The following ANKFY1 variants were observed in gnomAD, a reference collection of about 807,000 sequenced individuals.
ANKFY1 encodes the protein ankyrin repeat and FYVE domain-containing protein 1.
In ANKFY1, 47 loss-of-function variants were observed where a neutral mutation model predicts 128.3. That is an observed-to-expected ratio of 0.37 (90% CI 0.29 to 0.47). The LOEUF (loss-of-function observed/expected upper bound fraction) is 0.47. Among genes scored for constraint, ANKFY1 ranks in the 20% least tolerant of loss-of-function variants. The probability of loss-of-function intolerance (pLI) is 1.00; values close to 1 mark genes in which losing one functional copy is unlikely to be tolerated. For missense variants in ANKFY1, 1,222 were observed against 1,510.6 expected (o/e 0.81, Z 3.17); for synonymous variants, 553 against 601.6 (o/e 0.92, Z 1.18).
rs751821618 is a variant in ANKFY1 at position 4,263,766 on chromosome 17, G to A, written c.10+166C>T. Reference sequence around the variant, plus strand: ...ACGTTGTCATAGGAACCGCGCTCCGGACCCCGGCCCGAGAAGCTCCGGAGA... The same window carrying A: ...ACGTTGTCATAGGAACCGCGCTCCGAACCCCGGCCCGAGAAGCTCCGGAGA... On this transcript the variant is annotated intron_variant, in intron 1 of 24. Coordinates refer to ENST00000341657, the MANE Select transcript of ANKFY1 (RefSeq NM_001330063.2). The A allele has an allele frequency of 1.8e-5, 28 of 1,545,978 alleles. No individual in the cohort carries two copies. In the East Asian group the frequency reaches 5.7e-4, roughly 31 times the overall value.
intron 1 of ANKFY1, among the ~76,000 whole-genome samples, chr17:4,254,973 C>T (rs992730819): frequency 3.3e-5 from 5 of 152,100 alleles, no homozygotes; most frequent in African/African-American, 1.2e-4. Flanking sequence ...GGTCTTAAGC[C>T]AGAACGCATC....
In ANKFY1 at chr17:4,185,054, G is replaced by T; in HGVS notation, c.1471-8C>A. ...GTGCAACGGGGTTTCTCCCTGAATG[G>T]AAACAAATGGCCGAAATCTGAGCAC... On this transcript the variant is annotated splice_polypyrimidine_tract_variant and splice_region_variant and intron_variant, in intron 11 of 24. Transcript: ENST00000341657. 6.2e-7 allele frequency: 1 copy of T among 1,609,524 alleles called. No homozygotes were observed. The highest frequency in any genetic ancestry group is 8.5e-7 in the Non-Finnish European group (1 of 1,178,898).
At chr17:4,213,857 G>A (rs750437915) in intron 4 of ANKFY1, among the ~76,000 whole-genome samples, 4 of 152,092 alleles carry the variant, frequency 2.6e-5, no homozygotes, top group Non-Finnish European at 5.9e-5. Flanking sequence ...ACAGGTGTGA[G>A]CCATCACACC....
rs77678329 is a variant in ANKFY1 at position 4,186,163 on chromosome 17, G to A, written c.1471-1117C>T. ...TGTGGGCGTGTCCACGTGTATGTCCGTATGTAAACACACACACTGGAGTGT... is the reference window on the plus strand; with the variant it reads ...TGTGGGCGTGTCCACGTGTATGTCCATATGTAAACACACACACTGGAGTGT... On this transcript the variant is annotated intron_variant, in intron 11 of 24. Coordinates refer to ENST00000341657, the MANE Select transcript of ANKFY1 (RefSeq NM_001330063.2). Among the ~76,000 whole-genome samples the A allele has an allele frequency of 5.0e-3, 756 of 152,246 alleles. 11 individuals are homozygous for A. The highest frequency in any genetic ancestry group is 0.033 in the East Asian group (172 of 5,188).
intron 1 of ANKFY1, among the ~76,000 whole-genome samples, chr17:4,257,896 A>G (rs1419975634): frequency 2.0e-5 from 3 of 152,240 alleles, no homozygotes; most frequent in East Asian, 1.9e-4. Flanking sequence ...CTGGGGACAT[A>G]GCAATTTCTC....
In ANKFY1 at chr17:4,169,046, T is replaced by C. The variant is rs1252108277; in HGVS notation, c.3377+152A>G. The C allele has an allele frequency of 7.5e-6, 5 of 664,304 alleles. No homozygotes were observed. The highest frequency in any genetic ancestry group is 1.3e-5 in the Non-Finnish European group (5 of 378,600). 41.2% of individuals were successfully genotyped at this position (664,304 alleles called of 1,614,324 possible). On this transcript the variant is annotated intron_variant, in intron 24 of 24. Coordinates refer to ENST00000341657, the MANE Select transcript of ANKFY1 (RefSeq NM_001330063.2). The surrounding 1 kb of genome is among the most constrained non-coding windows in gnomAD (Gnocchi z 5.0). ...ACATCTCTGTTCCTCAGTAGGATCC[T>C]TGGGTGTGCTCATCTCATCCCTCCA...
chr17:4,190,049 C>A (rs562973989), intron 10 of ANKFY1, among the ~76,000 whole-genome samples: 1 of 152,268 alleles, frequency 6.6e-6, no homozygotes, highest in African/African-American at 2.4e-5. Context: ...AGTGGTGCTA[C>A]GGACATTTTG....
At chr17:4,243,062 TTTTG>T (rs951567261) in intron 1 of ANKFY1, among the ~76,000 whole-genome samples, 4 of 150,538 alleles carry the variant, frequency 2.7e-5, no homozygotes, top group African/African-American at 1.0e-4. Flanking sequence ...TTTTTTTGTT[TTTTG>T]TTTGTTTGTT....
intron 2 of ANKFY1, among the ~76,000 whole-genome samples, chr17:4,238,089 G>A (rs536965729): frequency 6.3e-4 from 95 of 149,644 alleles, no homozygotes; most frequent in African/African-American, 2.3e-3. Flanking sequence ...CACTTTGGGA[G>A]GCCAGGACTA....
chr17:4,189,455 G>C lies in ANKFY1; in HGVS notation c.1397C>G (p.Ala466Gly), dbSNP rs1170627396. 6.3e-7 allele frequency: 1 copy of C among 1,587,718 alleles called. No homozygotes were observed. Among genetic ancestry groups the C allele is most frequent in the Non-Finnish European group, 8.6e-7 (1 of 1,164,078 alleles). Reference protein sequence around the residue: ...ATGNCLLQRAAGAGNEAAALF... With the variant: ...ATGNCLLQRAGGAGNEAAALF... Reference sequence around the variant, plus strand: ...AGCTGCTGCCTCGTTTCCTGCTCCAGCTGCCCGCTGTAGTAAACAGTTTCC... The same window carrying C: ...AGCTGCTGCCTCGTTTCCTGCTCCACCTGCCCGCTGTAGTAAACAGTTTCC... The change falls in exon 11 of 25, where the codon GCT (alanine) becomes GGT (glycine). Residue 466 changes from alanine (A) to glycine (G), a missense_variant. Coordinates refer to ENST00000341657, the MANE Select transcript of ANKFY1 (RefSeq NM_001330063.2).
chr17:4,224,204 C>T (rs1464886263), intron 3 of ANKFY1, among the ~76,000 whole-genome samples: 1 of 146,546 alleles, frequency 6.8e-6, no homozygotes, highest in Non-Finnish European at 1.5e-5. Flanking sequence ...GTAAGTGACT[C>T]ACCTTTGAAG....
intron 3 of ANKFY1, among the ~76,000 whole-genome samples, chr17:4,231,869 C>G (rs1428867397): frequency 6.7e-6 from 1 of 149,974 alleles, no homozygotes; most frequent in Non-Finnish European, 1.5e-5. Flanking sequence ...GCCAGGAGGT[C>G]AAGGCTGCAG....
intron 5 of ANKFY1, 54 bp downstream of exon 5, chr17:4,209,770 C>A: frequency 6.4e-7 from 1 of 1,550,806 alleles, no homozygotes; most frequent in South Asian, 1.2e-5. Context: ...TCCCCAGCGG[C>A]GGTCTCCTGA....
chr17:4,201,332 C>T (rs551522519), intron 7 of ANKFY1, among the ~76,000 whole-genome samples: 3 of 152,288 alleles, frequency 2.0e-5, no homozygotes, highest in South Asian at 2.1e-4. Flanking sequence ...GCGCCCAGGC[C>T]GATTGTCTCT....
chr17:4,179,929 A>C (rs755983484), intron 16 of ANKFY1, 52 bp from the exon 17 acceptor site: 13 of 1,600,522 alleles, frequency 8.1e-6, no homozygotes, highest in Non-Finnish European at 9.4e-6. Flanking sequence ...CCTGGCGTAT[A>C]GGCATGCTGA....
Position 4,169,822 on chromosome 17 carries a change from T to A in ANKFY1, c.3287-534A>T, listed in dbSNP as rs4790584. Among the ~76,000 whole-genome samples the A allele has an allele frequency of 6.6e-6, 1 of 152,146 alleles. No individual in the cohort carries two copies. The highest frequency in any genetic ancestry group is 1.5e-5 in the Non-Finnish European group (1 of 68,044). On this transcript the variant is annotated intron_variant, in intron 23 of 24. Coordinates refer to ENST00000341657, the MANE Select transcript of ANKFY1 (RefSeq NM_001330063.2). The surrounding 1 kb of genome is among the most constrained non-coding windows in gnomAD (Gnocchi z 5.0). ...GAAAGAACTAAGTTTTCACATCTAG[T>A]TTGGGAGTTACTAATGCAGACAGGA...
At chr17:4,253,447 C>T (rs1967951451) in intron 1 of ANKFY1, among the ~76,000 whole-genome samples, 1 of 152,128 alleles carries the variant, frequency 6.6e-6, no homozygotes, top group Admixed American at 6.6e-5. Flanking sequence ...TCAATTACAC[C>T]TCAATAAATC....
rs114186869 is a variant in ANKFY1 at position 4,212,669 on chromosome 17, T to A, written c.459-2722A>T. On this transcript the variant is annotated intron_variant, in intron 4 of 24. Coordinates refer to ENST00000341657, the MANE Select transcript of ANKFY1 (RefSeq NM_001330063.2). ...GCAGATAATTCCCAATCTTAACAGA[T>A]GGGCTTTAGGTAACAGACGTAGAAA... is the stretch of plus-strand genomic sequence containing the variant. Among the ~76,000 whole-genome samples, 279 of 152,150 alleles carry A rather than the reference T, an allele frequency of 1.8e-3. 1 individual carries two copies. Among genetic ancestry groups the A allele is most frequent in the African/African-American group, 6.2e-3 (256 of 41,500 alleles).
At chr17:4,263,510 G>A (rs1407576375) in intron 1 of ANKFY1, 3 of 800,066 alleles carry the variant, frequency 3.7e-6, no homozygotes, top group African/African-American at 4.0e-5. Flanking sequence ...GGAGACCCAC[G>A]CTCTTCCGCA....
Sources: allele counts gnomAD v4.1 joint callset (sites outside exome capture counted in the v4.1 genomes callset), GRCh38; gene constraint gnomAD v4.1.1; non-coding constraint Gnocchi (gnomAD v3.1); transcripts MANE v1.5; gene names NCBI Gene and HGNC (gene_info 2026-07-23, HGNC 2026-07-21).